The following LRRK1 variants were observed in gnomAD, a reference collection of about 807,000 sequenced individuals.
The protein encoded by LRRK1 is leucine-rich repeat serine/threonine-protein kinase 1.
LRRK1 carries 113 observed loss-of-function variants against 209.1 expected under a neutral mutation model. The observed-to-expected ratio is 0.54, with a 90% CI of 0.46 to 0.63. The LOEUF is 0.63. Ranked by LOEUF, LRRK1 falls within the 30% of genes least tolerant of loss-of-function variation. The pLI, the probability that LRRK1 is intolerant of heterozygous loss-of-function variation, is 0.00. For synonymous variants in LRRK1, 1,144 were observed against 1,099.7 expected (o/e 1.04, Z -0.80); for missense variants, 2,284 against 2,632.2 (o/e 0.87, Z 2.89).
chr15:101,024,283 T>A lies in LRRK1; in HGVS notation c.2068-520T>A, dbSNP rs2033923977. Among the ~76,000 whole-genome samples, 1 of 152,212 alleles carries A rather than the reference T, an allele frequency of 6.6e-6. No homozygotes were observed. Among genetic ancestry groups the A allele is most frequent in the African/African-American group, 2.4e-5 (1 of 41,452 alleles). On this transcript the variant is annotated intron_variant, in intron 15 of 33. Coordinates refer to ENST00000388948, the MANE Select transcript of LRRK1 (RefSeq NM_024652.6). This position sits in a 1 kb window ranked among gnomAD's most constrained non-coding sequence, Gnocchi z 4.6. The stretch of plus-strand genomic sequence containing the variant: ...AGGGCCAGACTCTTACCTCATGCAA[T>A]GATAGAGAAACCACCGTTTACACAG...
intron 6 of LRRK1, among the ~76,000 whole-genome samples, chr15:101,003,517 G>A (rs2032800239): frequency 6.6e-6 from 1 of 152,182 alleles, no homozygotes; most frequent in Admixed American, 6.5e-5. Context: ...CCACATGGCT[G>A]GGGAGGCCTC....
chr15:101,056,265 T>G (rs536638726), intron 27 of LRRK1, among the ~76,000 whole-genome samples: 1 of 152,312 alleles, frequency 6.6e-6, no homozygotes, highest in African/African-American at 2.4e-5. Context: ...TTTTTATGAG[T>G]TGCAATACAT....
chr15:101,015,496 C>A, intron 12 of LRRK1, 94 bp downstream of exon 12: 2 of 913,912 alleles, frequency 2.2e-6, no homozygotes, highest in Middle Eastern at 2.2e-4. Context: ...TTATCTTGGG[C>A]CTTCCCCTTC....
In LRRK1 at chr15:100,973,836, C is replaced by T; in HGVS notation, c.130C>T (p.Arg44Trp). 2 of 1,293,378 alleles carry T rather than the reference C, an allele frequency of 1.5e-6. No individual in the cohort carries two copies. The highest frequency in any genetic ancestry group is 3.1e-5 in the East Asian group (1 of 31,956). The allele number at this position is 1,293,378 out of a possible 1,614,324, so 80.1% of individuals were successfully genotyped here. Reference sequence around the variant, plus strand: ...GGACACGGGCGGCAAGCCGTCCACGCGGGGCGGTGACCCTGCAGCGCGGTC... The same window carrying T: ...GGACACGGGCGGCAAGCCGTCCACGTGGGGCGGTGACCCTGCAGCGCGGTC... ...AGDTGGKPST[R>W]GGDPAARSRR... Residue 44 changes from arginine (R) to tryptophan (W), a missense_variant, in exon 3 of 34, where the codon CGG becomes TGG. Around this residue, in one of 6 missense-constraint regions of LRRK1, gnomAD observed 174 missense variants for 133.5 expected, o/e 1.30. Transcript: ENST00000388948.
rs146083586 is a variant in LRRK1 at position 101,010,947 on chromosome 15, G to A, written c.1281+110G>A. The A allele has an allele frequency of 0.025, 22,758 of 921,530 alleles. 349 individuals are homozygous for A. Among genetic ancestry groups the A allele is most frequent in the Non-Finnish European group, 0.03 (18,538 of 623,792 alleles). The allele number at this position is 921,530 out of a possible 1,614,324, so 57.1% of individuals were successfully genotyped here. A position where few individuals can be genotyped will look rare whatever the true frequency, so the allele number is the denominator to read the frequency against. Reference sequence around the variant, plus strand: ...AGTTCATCCCCTCAGCAGCGAAGCCGGGTAGAAGGGCCCGGTTCCCACATT... The same window carrying A: ...AGTTCATCCCCTCAGCAGCGAAGCCAGGTAGAAGGGCCCGGTTCCCACATT... On this transcript the variant is annotated intron_variant, in intron 9 of 33. Coordinates refer to ENST00000388948, the MANE Select transcript of LRRK1 (RefSeq NM_024652.6).
At chr15:100,991,127 T>C (rs1023519848) in intron 6 of LRRK1, among the ~76,000 whole-genome samples, 1 of 152,238 alleles carries the variant, frequency 6.6e-6, no homozygotes, top group East Asian at 1.9e-4. Flanking sequence ...GATGTCACCA[T>C]TGGCATTTTC....
At chr15:100,947,204 G>T (rs1163967208) in intron 2 of LRRK1, among the ~76,000 whole-genome samples, 2 of 151,970 alleles carry the variant, frequency 1.3e-5, no homozygotes, top group Non-Finnish European at 1.5e-5. Flanking sequence ...TGATCCGCCC[G>T]CCTCGGCCTC....
chr15:101,040,718 T>C (rs2034710494), intron 20 of LRRK1, among the ~76,000 whole-genome samples: 3 of 152,250 alleles, frequency 2.0e-5, no homozygotes, highest in Non-Finnish European at 2.9e-5. Context: ...TGTGTTTTTA[T>C]CATTTAGTTC....
chr15:100,941,404 G>GTGTGTGTGTGTC lies in LRRK1; in HGVS notation c.97+16680_97+16681insGTGTGTCTGTGT, dbSNP rs1567190972. On this transcript the variant is annotated intron_variant, in intron 2 of 33. Coordinates refer to ENST00000388948, the MANE Select transcript of LRRK1 (RefSeq NM_024652.6). ...TGTCTGTGTCTCTGTGTGTGTCTGT[G>GTGTGTGTGTGTC]TGTGTCTCTGTGTGTGTGTGTGTCT... Among the ~76,000 whole-genome samples the GTGTGTGTGTGTC allele has an allele frequency of 4.2e-5, 5 of 118,676 alleles. 1 individual carries two copies. Among genetic ancestry groups the GTGTGTGTGTGTC allele is most frequent in the Non-Finnish European group, 8.1e-5 (5 of 61,988 alleles). 77.9% of individuals were successfully genotyped at this position (118,676 alleles called of 152,430 possible).
chr15:101,014,442 T>G lies in LRRK1; in HGVS notation c.1532+14T>G. On this transcript the variant is annotated intron_variant, in intron 11 of 33. Transcript: ENST00000388948. ...CCAACTTGGCAAGTAAGCAGGGGCC[T>G]CTCCTCCCTGGCCAGTTCCAAAGCG... The G allele has an allele frequency of 3.2e-6, 5 of 1,562,602 alleles. No homozygotes were observed. The highest frequency in any genetic ancestry group is 4.4e-6 in the Non-Finnish European group (5 of 1,133,390).
chr15:100,972,608 A>G (rs1456250130), intron 2 of LRRK1, among the ~76,000 whole-genome samples: 1 of 152,106 alleles, frequency 6.6e-6, no homozygotes, highest in African/African-American at 2.4e-5. Flanking sequence ...TAGTTGTGGT[A>G]GGCATTTTTA....
At chr15:100,979,654 G>C (rs902694057) in intron 3 of LRRK1, among the ~76,000 whole-genome samples, 1 of 152,154 alleles carries the variant, frequency 6.6e-6, no homozygotes, top group African/African-American at 2.4e-5. Flanking sequence ...GCTACAGACT[G>C]AGAGAGGTAT....
chr15:100,941,626 G>A (rs1205741883), intron 2 of LRRK1, among the ~76,000 whole-genome samples: 1 of 152,110 alleles, frequency 6.6e-6, no homozygotes, highest in African/African-American at 2.4e-5. Context: ...CTGGGTGGAT[G>A]CTGACTGTTC....
Position 101,066,002 on chromosome 15 carries a change from C to G in LRRK1, c.5565C>G (p.Ser1855=). The stretch of plus-strand genomic sequence containing the variant: ...CCCCACCCCGCCAGGCTGCCAGGTC[C>G]CCCTCAAGCCTCCCCAGCTCCCCAG... ...SSSPPRQAAR[S]PSSLPSSPAS... Residue 1855 remains serine (S), a synonymous_variant, in exon 32 of 34, where the codon TCC becomes TCG. Transcript: ENST00000388948. The G allele has an allele frequency of 6.2e-7, 1 of 1,614,122 alleles. No individual in the cohort carries two copies. The highest frequency in any genetic ancestry group is 1.3e-5 in the African/African-American group (1 of 75,040).
intron 2 of LRRK1, among the ~76,000 whole-genome samples, chr15:100,942,769 G>C (rs547687284): frequency 6.6e-6 from 1 of 151,954 alleles, no homozygotes; most frequent in Non-Finnish European, 1.5e-5. Context: ...GACAATTCAC[G>C]GAGTAAGCAA....
In LRRK1 at chr15:100,953,229, G is replaced by A. The variant is rs375446035; in HGVS notation, c.98-20575G>A. 3.9e-4 allele frequency among the ~76,000 whole-genome samples: 60 copies of A among 152,070 alleles called. No individual in the cohort carries two copies. The East Asian group carries it at 4.6e-3, about 12-fold the overall frequency. On this transcript the variant is annotated intron_variant, in intron 2 of 33. Coordinates refer to ENST00000388948, the MANE Select transcript of LRRK1 (RefSeq NM_024652.6). ...TCAACAGGCTGTACATTAGATCCCC[G>A]AACTTACTCATCTTATAACTAAAAG... is the stretch of plus-strand genomic sequence containing the variant.
intron 10 of LRRK1, among the ~76,000 whole-genome samples, chr15:101,013,009 C>T (rs1467901300): frequency 6.6e-6 from 1 of 152,230 alleles, no homozygotes; most frequent in Non-Finnish European, 1.5e-5. Context: ...TATTTCACAC[C>T]AACAACTAGC....
At chr15:101,021,518 G>A (rs2033784216) in intron 13 of LRRK1, among the ~76,000 whole-genome samples, 1 of 152,126 alleles carries the variant, frequency 6.6e-6, no homozygotes, top group East Asian at 1.9e-4. Context: ...AGTGTAAAAT[G>A]TTATATTAAT....
At chr15:100,962,820 T>TACAC (rs370496273) in intron 2 of LRRK1, among the ~76,000 whole-genome samples, 50 of 27,366 alleles carry the variant, frequency 1.8e-3, no homozygotes, top group South Asian at 3.4e-3. Context: ...TATATATATA[T>TACAC]ATATTTTTTT....
Sources: allele counts gnomAD v4.1 joint callset (sites outside exome capture counted in the v4.1 genomes callset), GRCh38; gene constraint gnomAD v4.1.1; regional missense constraint gnomAD v4.1.1; non-coding constraint Gnocchi (gnomAD v3.1); transcripts MANE v1.5; gene names NCBI Gene and HGNC (gene_info 2026-07-23, HGNC 2026-07-21).